Variants in TCTN1 observed in about 807,000 individuals in gnomAD.
TCTN1 encodes tectonic family member 1, also known as tectonic-1.
In TCTN1, 58 loss-of-function variants were observed where a neutral mutation model predicts 65.8. The observed-to-expected ratio is 0.88, with a 90% confidence interval of 0.71 to 1.10. The LOEUF (loss-of-function observed/expected upper bound fraction) is 1.10, where lower values mean the gene tolerates loss of function less well. Among genes scored for constraint, TCTN1 ranks in the 50% least tolerant of loss-of-function variants. The probability of loss-of-function intolerance (pLI) is 0.00; values close to 1 mark genes in which losing one functional copy is unlikely to be tolerated. For synonymous variants in TCTN1, 273 were observed against 289.1 expected (o/e 0.94, Z 0.57); for missense variants, 645 against 719.4 (o/e 0.90, Z 1.18).
rs10673730 is a variant in TCTN1 at position 110,639,438 on chromosome 12, C to CTGTG, written c.844-925_844-922dup. Among the ~76,000 whole-genome samples the CTGTG allele has an allele frequency of 1.3e-3, 188 of 148,124 alleles. No homozygotes were observed. Among genetic ancestry groups the CTGTG allele is most frequent in the African/African-American group, 3.6e-3 (145 of 40,418 alleles). The stretch of plus-strand genomic sequence containing the variant: ...ATAATCCTACCACCCAGAGAAACCA[C>CTGTG]TGTGTGTGTGTGTGTGTGTGTGTAT... On this transcript the variant is annotated intron_variant, in intron 7 of 14. Transcript: ENST00000397659. This position sits in a 1 kb window ranked among gnomAD's most constrained non-coding sequence, Gnocchi z 4.9.
chr12:110,616,221 T>C lies in TCTN1; in HGVS notation c.220+1819T>C, dbSNP rs575620862. 9.6e-4 allele frequency: 427 copies of C among 442,768 alleles called. 2 individuals carry two copies. Among genetic ancestry groups the C allele is most frequent in the South Asian group, 1.7e-3 (108 of 62,598 alleles). The allele number at this position is 442,768 out of a possible 1,614,324, so 27.4% of individuals were successfully genotyped here. On this transcript the variant is annotated intron_variant, in intron 1 of 14. Transcript: ENST00000397659. Reference sequence around the variant, plus strand: ...TGTGTTCAAGGCTGTTTTTCCAGTATAGGGGATGAATTTGTGCTTGTCCTC... The same window carrying C: ...TGTGTTCAAGGCTGTTTTTCCAGTACAGGGGATGAATTTGTGCTTGTCCTC...
At chr12:110,637,164 A>G (rs2136095433) in intron 7 of TCTN1, among the ~76,000 whole-genome samples, 1 of 152,344 alleles carries the variant, frequency 6.6e-6, no homozygotes, top group Admixed American at 6.5e-5. Flanking sequence ...TGGCCAGCCT[A>G]GGTTCAAACC....
intron 5 of TCTN1, 126 bp from the exon 6 acceptor site, chr12:110,634,544 G>T: frequency 1.3e-6 from 1 of 759,266 alleles, no homozygotes; most frequent in South Asian, 1.6e-5. Flanking sequence ...CAACAAAATT[G>T]TATATCTGTG....
intron 1 of TCTN1, among the ~76,000 whole-genome samples, chr12:110,619,166 C>T (rs1043525976): frequency 2.0e-5 from 3 of 151,402 alleles, no homozygotes; most frequent in East Asian, 1.9e-4. Flanking sequence ...CAACAAGAGC[C>T]GAAACTCCTT....
intron 10 of TCTN1, chr12:110,641,859 GTTTTTTTTTTTTAATCTCC>G (rs2066979394): frequency 7.0e-6 from 3 of 427,790 alleles, no homozygotes; most frequent in Non-Finnish European, 1.3e-5. Context: ...AAATGTCAGT[GTTTTTTTTTTTTAATCTCC>G]TTTTTTTTTT....
chr12:110,633,246 G>A (rs1319244130), intron 5 of TCTN1, among the ~76,000 whole-genome samples: 2 of 152,214 alleles, frequency 1.3e-5, no homozygotes, highest in Non-Finnish European at 2.9e-5. Flanking sequence ...CTATGAAGAA[G>A]CTAAGTAATG....
chr12:110,641,812 A>T, intron 10 of TCTN1, 185 bp downstream of exon 10: 1 of 593,268 alleles, frequency 1.7e-6, no homozygotes, highest in Non-Finnish European at 2.9e-6. Context: ...GGCTGGGGGG[A>T]GACTGGCAGT....
chr12:110,624,286 G>A (rs2065670424), intron 2 of TCTN1, among the ~76,000 whole-genome samples: 1 of 151,884 alleles, frequency 6.6e-6, no homozygotes, highest in Non-Finnish European at 1.5e-5. Flanking sequence ...CACGATCATA[G>A]CTCACTGTAA....
rs768889357 is a variant in TCTN1, at chr12:110,614,386, T to C, written c.204T>C (p.Pro68=). 6.2e-7 allele frequency: 1 copy of C among 1,600,964 alleles called. No homozygotes were observed. The highest frequency in any genetic ancestry group is 8.5e-7 in the Non-Finnish European group (1 of 1,174,304). ...CAGGGCCCTCCTCCGGCCCCAGGCC[T>C]ACCCCAGTCACGGACGGTGGGTACC... The part of the protein sequence containing the change: ...RAPGPSSGPR[P]TPVTDVAVLC... Residue 68 remains proline (P), a synonymous_variant, in exon 1 of 15, where the codon CCT becomes CCC. Coordinates refer to ENST00000397659, the MANE Select transcript of TCTN1 (RefSeq NM_001082538.3).
chr12:110,638,943 A>G (rs2066769015), intron 7 of TCTN1, among the ~76,000 whole-genome samples: 1 of 152,212 alleles, frequency 6.6e-6, no homozygotes, highest in African/African-American at 2.4e-5. Context: ...CCTCACAGTG[A>G]CTAGCATTGC....
intron 2 of TCTN1, among the ~76,000 whole-genome samples, chr12:110,620,917 A>G (rs763017465): frequency 5.3e-5 from 8 of 151,720 alleles, no homozygotes; most frequent in Non-Finnish European, 5.9e-5. Flanking sequence ...GCTTCAAGCA[A>G]TTCTCCTGTC....
chr12:110,616,831 G>C (rs2065070403), intron 1 of TCTN1: 1 of 152,582 alleles, frequency 6.6e-6, no homozygotes, highest in African/African-American at 2.4e-5. Context: ...TTCAGGCAGT[G>C]TTGGTGGAGA....
At chr12:110,621,242 C>CT (rs1247596404) in intron 2 of TCTN1, among the ~76,000 whole-genome samples, 1 of 152,138 alleles carries the variant, frequency 6.6e-6, no homozygotes, top group East Asian at 1.9e-4. Context: ...TAGGTGAACC[C>CT]TTTTAAGAAG....
chr12:110,628,621 G>A (rs920334786), intron 3 of TCTN1, 146 bp from the exon 4 acceptor site: 2 of 765,044 alleles, frequency 2.6e-6, no homozygotes, highest in East Asian at 2.7e-5. Flanking sequence ...GATTACAGGC[G>A]TGAGCCCATG....
chr12:110,627,426 T>G (rs1426702684), intron 3 of TCTN1, among the ~76,000 whole-genome samples: 2 of 152,172 alleles, frequency 1.3e-5, no homozygotes, highest in Non-Finnish European at 1.5e-5. Flanking sequence ...ATTATTCTGT[T>G]TTGCTATATG....
At chr12:110,616,567 T>C (rs754648189) in intron 1 of TCTN1, among the ~76,000 whole-genome samples, 14 of 152,298 alleles carry the variant, frequency 9.2e-5, no homozygotes, top group Non-Finnish European at 1.8e-4. Flanking sequence ...TTCACCTTTT[T>C]AAAGGACCTC....
chr12:110,644,245 G>A lies in TCTN1; in HGVS notation c.1332-722G>A, dbSNP rs751300693. 5.9e-5 allele frequency: 9 copies of A among 152,800 alleles called. No individual in the cohort carries two copies. The highest frequency in any genetic ancestry group is 1.3e-4 in the Non-Finnish European group (9 of 68,530). The allele number at this position is 152,800 out of a possible 1,614,324, so 9.5% of individuals were successfully genotyped here. ...AACCCTTCTTGTACAGATCTTCAGT[G>A]GAACACAGTTTGGGAAACACTGTTT... On this transcript the variant is annotated intron_variant, in intron 11 of 14. Transcript: ENST00000397659. The surrounding 1 kb of genome is among the most constrained non-coding windows in gnomAD (Gnocchi z 4.6).
intron 7 of TCTN1, among the ~76,000 whole-genome samples, chr12:110,638,518 T>C (rs991312688): frequency 6.6e-6 from 1 of 152,162 alleles, no homozygotes; most frequent in African/African-American, 2.4e-5. Context: ...CCCTGTAGTT[T>C]CATTGAGTAT....
At chr12:110,638,419 T>G (rs755645400) in intron 7 of TCTN1, among the ~76,000 whole-genome samples, 3 of 152,192 alleles carry the variant, frequency 2.0e-5, no homozygotes, top group Admixed American at 6.5e-5. Flanking sequence ...AGAAATTGGG[T>G]CTAATCTCCC....
Sources: allele counts gnomAD v4.1 joint callset (sites outside exome capture counted in the v4.1 genomes callset), GRCh38; gene constraint gnomAD v4.1.1; non-coding constraint Gnocchi (gnomAD v3.1); transcripts MANE v1.5; gene names NCBI Gene and HGNC (gene_info 2026-07-23, HGNC 2026-07-21).